Variants in MORC1 observed in about 807,000 individuals in gnomAD.
MORC1 encodes the protein MORC family CW-type zinc finger protein 1.
In MORC1, 59 loss-of-function variants were observed where a neutral mutation model predicts 134.9. The observed-to-expected ratio is 0.44, with a 90% confidence interval of 0.35 to 0.54. The LOEUF is 0.54. Among genes scored for constraint, MORC1 ranks in the 20% least tolerant of loss-of-function variants. The pLI is 0.00. For missense variants in MORC1, 947 were observed against 1,134.5 expected (o/e 0.83, Z 2.37); for synonymous variants, 395 against 391.7 (o/e 1.01, Z -0.10).
chr3:109,050,887 A>G (rs1401826396), intron 14 of MORC1, among the ~76,000 whole-genome samples: 2 of 152,194 alleles, frequency 1.3e-5, no homozygotes, highest in Non-Finnish European at 1.5e-5. Context: ...CTCTTTGCCA[A>G]CTGAAGAACT....
chr3:109,085,272 G>A (rs905723550), intron 8 of MORC1, among the ~76,000 whole-genome samples: 1 of 151,920 alleles, frequency 6.6e-6, no homozygotes, highest in Non-Finnish European at 1.5e-5. Context: ...ATTACATCAA[G>A]CTAAAAAGTT....
At chr3:109,113,363 T>C (rs1240430562) in intron 2 of MORC1, among the ~76,000 whole-genome samples, 1 of 152,166 alleles carries the variant, frequency 6.6e-6, no homozygotes, top group African/African-American at 2.4e-5. Flanking sequence ...AAGGAGGAGA[T>C]AACGACTTTC....
chr3:108,973,015 A>G (rs1947437057), intron 24 of MORC1, among the ~76,000 whole-genome samples: 2 of 152,228 alleles, frequency 1.3e-5, no homozygotes, highest in Non-Finnish European at 2.9e-5. Flanking sequence ...TTCAAAATCT[A>G]CAGCAAACAT....
At chr3:109,018,649 A>AGTC (rs1948880059) in intron 17 of MORC1, among the ~76,000 whole-genome samples, 1 of 152,094 alleles carries the variant, frequency 6.6e-6, no homozygotes, top group African/African-American at 2.4e-5. Context: ...ATCTGATCTG[A>AGTC]CTCTCACCCA....
intron 2 of MORC1, among the ~76,000 whole-genome samples, chr3:109,112,201 A>C (rs1458689942): frequency 6.6e-6 from 1 of 152,194 alleles, no homozygotes; most frequent in Non-Finnish European, 1.5e-5. Flanking sequence ...ATTTTATAAT[A>C]ATCTTTGTTC....
chr3:109,075,834 G>T (rs953211875), intron 8 of MORC1, among the ~76,000 whole-genome samples: 9 of 151,890 alleles, frequency 5.9e-5, no homozygotes, highest in African/African-American at 2.2e-4. Context: ...ATTCTGTGAA[G>T]AAAGTCAATG....
chr3:108,971,431 A>T, intron 24 of MORC1, 29 bp from the exon 25 acceptor site: 1 of 1,583,802 alleles, frequency 6.3e-7, no homozygotes, highest in Non-Finnish European at 8.7e-7. Context: ...CAGATATGGG[A>T]ATATACTAGG....
intron 8 of MORC1, among the ~76,000 whole-genome samples, chr3:109,078,963 G>C (rs937544157): frequency 2.0e-5 from 3 of 151,846 alleles, no homozygotes; most frequent in Non-Finnish European, 4.4e-5. Context: ...TAGAATAACA[G>C]TCTTAGCACC....
chr3:109,054,472 C>T (rs149200319), intron 14 of MORC1, among the ~76,000 whole-genome samples: 3 of 152,242 alleles, frequency 2.0e-5, no homozygotes, highest in South Asian at 2.1e-4. Flanking sequence ...TTCCTTCCAC[C>T]ATGGTCAGCT....
intron 4 of MORC1, among the ~76,000 whole-genome samples, chr3:109,102,496 C>A (rs547609778): frequency 6.6e-6 from 1 of 152,014 alleles, no homozygotes; most frequent in Non-Finnish European, 1.5e-5. Flanking sequence ...TTTAAAAACC[C>A]GGAAAGTACT....
intron 9 of MORC1, among the ~76,000 whole-genome samples, chr3:109,067,519 T>C (rs1195839616): frequency 1.3e-5 from 2 of 152,200 alleles, no homozygotes; most frequent in African/African-American, 2.4e-5. Flanking sequence ...CTCAATTTAC[T>C]AAAACTCCCT....
At chr3:108,982,286 CTT>C (rs1947749482) in intron 23 of MORC1, among the ~76,000 whole-genome samples, 1 of 152,162 alleles carries the variant, frequency 6.6e-6, no homozygotes, top group Non-Finnish European at 1.5e-5. Context: ...AACAGGAACG[CTT>C]TTACACTGTT....
At chr3:109,024,041 G>A (rs1430806113) in intron 17 of MORC1, among the ~76,000 whole-genome samples, 1 of 152,192 alleles carries the variant, frequency 6.6e-6, no homozygotes, top group Non-Finnish European at 1.5e-5. Flanking sequence ...CAATTACATG[G>A]AGGACAACCC....
intron 24 of MORC1, among the ~76,000 whole-genome samples, chr3:108,973,618 T>C (rs1947458216): frequency 7.4e-6 from 1 of 134,448 alleles, no homozygotes; most frequent in Non-Finnish European, 1.6e-5. Flanking sequence ...TTTTTCAGAC[T>C]GAGTCTCACT....
In MORC1 at chr3:109,007,540, G is replaced by A. The variant is rs140722591; in HGVS notation, c.1705-449C>T. ...AACTGGCCTCGACTGTGTCCTTAAC[G>A]CACTCAATGCCCAATCACATTTACT... is the stretch of plus-strand genomic sequence containing the variant. On this transcript the variant is annotated intron_variant, in intron 17 of 27. Transcript: ENST00000232603. Among the ~76,000 whole-genome samples, 632 of 152,212 alleles carry A rather than the reference G, an allele frequency of 4.2e-3. 2 individuals carry two copies. Among genetic ancestry groups the A allele is most frequent in the Non-Finnish European group, 6.7e-3 (458 of 68,014 alleles).
chr3:108,989,904 T>C (rs1947999717), intron 21 of MORC1, among the ~76,000 whole-genome samples: 1 of 152,168 alleles, frequency 6.6e-6, no homozygotes, highest in African/African-American at 2.4e-5. Context: ...AAATCTCATC[T>C]TGAATTGTAG....
At chr3:109,101,092 A>G (rs184163773) in intron 4 of MORC1, among the ~76,000 whole-genome samples, 51 of 152,324 alleles carry the variant, frequency 3.3e-4, no homozygotes, top group East Asian at 1.7e-3. Flanking sequence ...CATGTGGTGT[A>G]AGAGGCAACT....
At position 108,969,669 on chromosome 3, in the gene MORC1, C is replaced by T. The variant is rs1007382499; in HGVS notation, c.2604G>A (p.Gln868=). ...ATGGTGATACTGAAAGGAAGCTTAC[C>T]TGGTTGAAACACATTTTCAGCTTTT... ...MNKKLKMCFN[Q]IQNTYMVQYE... Residue 868 remains glutamine, a splice_region_variant and synonymous_variant, in exon 26 of 28, where the codon CAG becomes CAA. Coordinates refer to ENST00000232603, the MANE Select transcript of MORC1 (RefSeq NM_014429.4). 1 of 1,613,280 alleles carries T rather than the reference C, an allele frequency of 6.2e-7. No homozygotes were observed. The highest frequency in any genetic ancestry group is 8.5e-7 in the Non-Finnish European group (1 of 1,179,334).
chr3:109,039,599 T>A (rs1231307424), intron 14 of MORC1, among the ~76,000 whole-genome samples: 1 of 152,182 alleles, frequency 6.6e-6, no homozygotes, highest in Non-Finnish European at 1.5e-5. Context: ...GATATTAAAT[T>A]GCAGTTAATT....
Sources: gnomAD v4.1 joint callset for allele counts (sites outside exome capture counted in the v4.1 genomes callset) on GRCh38, gnomAD v4.1.1 for gene constraint, MANE v1.5 for transcripts, NCBI Gene and HGNC (gene_info 2026-07-23, HGNC 2026-07-21) for gene names.